PPP1R9A: variants seen among roughly 807,000 people sequenced by gnomAD.
The protein encoded by PPP1R9A is protein phosphatase 1 regulatory subunit 9A.
In PPP1R9A, 59 loss-of-function variants were observed where a neutral mutation model predicts 141.9. The observed-to-expected ratio is 0.42, with a 90% CI of 0.34 to 0.52. The LOEUF (loss-of-function observed/expected upper bound fraction) is 0.52. PPP1R9A is among the 20% of genes least tolerant of loss of function. The pLI is 0.10. For synonymous variants in PPP1R9A, 500 were observed against 569.7 expected, an observed-to-expected ratio of 0.88 and a Z score of 1.74; for missense variants, 1,444 against 1,611.9, an observed-to-expected ratio of 0.90 and a Z score of 1.78.
intron 2 of PPP1R9A, among the ~76,000 whole-genome samples, chr7:94,953,208 ATAAG>A (rs1411844359): frequency 6.6e-6 from 1 of 152,178 alleles, no homozygotes; most frequent in Admixed American, 6.5e-5. Flanking sequence ...CATTTATTAA[ATAAG>A]GTATCCATTA....
intron 5 of PPP1R9A, among the ~76,000 whole-genome samples, chr7:95,184,657 C>T (rs1413123576): frequency 6.6e-6 from 1 of 152,112 alleles, no homozygotes; most frequent in Admixed American, 6.6e-5. Flanking sequence ...TCCCTTATAA[C>T]GTTTTTATGC....
rs373281449 is a variant in PPP1R9A at position 95,106,953 on chromosome 7, T to A, written c.1396-4306T>A. ...CACGCCACCACGCCCAGTTAATTGT[T>A]GTATTTTTAGTAGAGATGGGGTTTC... On this transcript the variant is annotated intron_variant, in intron 2 of 19. Transcript: ENST00000433360. Among the ~76,000 whole-genome samples the A allele has an allele frequency of 7.9e-5, 12 of 152,202 alleles. No homozygotes were observed. In the East Asian group the frequency reaches 2.3e-3, roughly 29 times the overall value.
At chr7:95,070,706 A>G (rs1366461833) in intron 2 of PPP1R9A, among the ~76,000 whole-genome samples, 2 of 151,018 alleles carry the variant, frequency 1.3e-5, no homozygotes, top group African/African-American at 4.9e-5. Flanking sequence ...TCAGGATCAT[A>G]AGAAGTGAGA....
intron 8 of PPP1R9A, among the ~76,000 whole-genome samples, chr7:95,228,430 G>T (rs967004666): frequency 1.3e-5 from 2 of 152,060 alleles, no homozygotes; most frequent in African/African-American, 4.8e-5. Flanking sequence ...AACAAAAGTT[G>T]GCTAGCCCTT....
intron 4 of PPP1R9A, among the ~76,000 whole-genome samples, chr7:95,134,373 G>A (rs1234952602): frequency 6.6e-6 from 1 of 152,036 alleles, no homozygotes; most frequent in Non-Finnish European, 1.5e-5. Context: ...ATGCATGCTG[G>A]GCTTAAAACC....
intron 2 of PPP1R9A, among the ~76,000 whole-genome samples, chr7:94,954,851 G>C (rs1563042506): frequency 1.4e-5 from 2 of 140,132 alleles, no homozygotes; most frequent in African/African-American, 5.1e-5. Flanking sequence ...GTGTGTGTGT[G>C]TGTGTGTGTG....
chr7:95,219,268 C>A (rs192407486), intron 7 of PPP1R9A, among the ~76,000 whole-genome samples: 1 of 152,132 alleles, frequency 6.6e-6, no homozygotes, highest in Admixed American at 6.6e-5. Context: ...GTTTAAAATT[C>A]TTTTCTTTAA....
intron 2 of PPP1R9A, among the ~76,000 whole-genome samples, chr7:94,937,007 T>C (rs1794841161): frequency 1.3e-5 from 2 of 152,186 alleles, no homozygotes; most frequent in Non-Finnish European, 2.9e-5. Context: ...TTGACAGGCA[T>C]GTAAGACCAT....
At chr7:95,028,655 GTGC>G (rs1235344662) in intron 2 of PPP1R9A, among the ~76,000 whole-genome samples, 8 of 152,140 alleles carry the variant, frequency 5.3e-5, no homozygotes, top group African/African-American at 1.4e-4. Context: ...TTTTGAAAAA[GTGC>G]TTTTTATGAA....
intron 6 of PPP1R9A, chr7:95,202,690 A>G (rs576601630): frequency 6.0e-6 from 3 of 498,228 alleles, no homozygotes; most frequent in African/African-American, 4.2e-5. Flanking sequence ...ATCTCTTGTC[A>G]TACTCCACCA....
At chr7:95,164,746 T>TC (rs1252938938) in intron 5 of PPP1R9A, among the ~76,000 whole-genome samples, 2 of 141,830 alleles carry the variant, frequency 1.4e-5, no homozygotes, top group African/African-American at 5.7e-5. Context: ...CTTTTCTTTT[T>TC]TTTTTTTTTT....
At chr7:95,092,186 C>T (rs1817445600) in intron 2 of PPP1R9A, among the ~76,000 whole-genome samples, 1 of 152,116 alleles carries the variant, frequency 6.6e-6, no homozygotes, top group Admixed American at 6.6e-5. Flanking sequence ...ACTGACCACC[C>T]AATAGTCACT....
chr7:95,080,881 A>C (rs1164513878), intron 2 of PPP1R9A, among the ~76,000 whole-genome samples: 2 of 152,210 alleles, frequency 1.3e-5, no homozygotes, highest in African/African-American at 4.8e-5. Context: ...GCAGAGATTT[A>C]TATGAGATAA....
chr7:95,215,744 A>G (rs1317068138), intron 7 of PPP1R9A, among the ~76,000 whole-genome samples: 3 of 151,964 alleles, frequency 2.0e-5, no homozygotes, highest in Non-Finnish European at 2.9e-5. Flanking sequence ...ATTTTTTCAT[A>G]TGTCTGTTGG....
chr7:95,213,260 G>T (rs1792519632), intron 7 of PPP1R9A, among the ~76,000 whole-genome samples: 1 of 150,806 alleles, frequency 6.6e-6, no homozygotes, highest in African/African-American at 2.4e-5. Context: ...TCAAAAATTT[G>T]AATTTCCTAA....
rs896814463 is a variant in PPP1R9A at position 94,907,675 on chromosome 7, G to A, written c.-244G>A. The A allele has an allele frequency of 6.6e-6, 1 of 152,090 alleles. No homozygotes were observed. The allele number at this position is 152,090 out of a possible 1,614,324, so 9.4% of individuals were successfully genotyped here. On this transcript the variant is annotated 5_prime_UTR_variant, in exon 1 of 20. Transcript: ENST00000433360. ...TTGCTGCCGGGCTCCCTCTCTCTGC[G>A]GCCCTAGAGTTAATCCCATCAGCCG...
At chr7:95,203,803 G>A in intron 7 of PPP1R9A, 73 bp downstream of exon 7, 1 of 1,136,174 alleles carries the variant, frequency 8.8e-7, no homozygotes, top group Non-Finnish European at 1.3e-6. Flanking sequence ...TATTCTTTGT[G>A]TCTTATTAAC....
intron 5 of PPP1R9A, among the ~76,000 whole-genome samples, chr7:95,165,939 G>A (rs1015118743): frequency 3.3e-5 from 5 of 152,224 alleles, no homozygotes; most frequent in South Asian, 2.1e-4. Context: ...TCTGAGGTCA[G>A]GAATTCGAGA....
At chr7:95,027,775 T>C (rs759446530) in intron 2 of PPP1R9A, among the ~76,000 whole-genome samples, 2 of 152,122 alleles carry the variant, frequency 1.3e-5, no homozygotes, top group Admixed American at 6.5e-5. Context: ...TGTATCACGA[T>C]GGTAAGTATT....
Sources: gnomAD v4.1 joint callset for allele counts (sites outside exome capture counted in the v4.1 genomes callset) on GRCh38, gnomAD v4.1.1 for gene constraint, MANE v1.5 for transcripts, NCBI Gene and HGNC (gene_info 2026-07-23, HGNC 2026-07-21) for gene names.